CDC73: variants seen among roughly 807,000 people sequenced by gnomAD.
The protein encoded by CDC73 is cell division cycle 73.
CDC73 carries 21 observed loss-of-function variants against 83.7 expected under a neutral mutation model. That is an observed-to-expected ratio of 0.25 (90% CI 0.18 to 0.36). The LOEUF is 0.36. CDC73 is among the 10% of genes least tolerant of loss of function. The probability of loss-of-function intolerance (pLI) is 1.00; values close to 1 mark genes in which losing one functional copy is unlikely to be tolerated. For synonymous variants in CDC73, 224 were observed against 212.9 expected (o/e 1.05, Z -0.45); for missense variants, 342 against 653.3 (o/e 0.52, Z 5.19).
intron 10 of CDC73, among the ~76,000 whole-genome samples, chr1:193,160,715 C>T (rs1180082320): frequency 2.0e-5 from 3 of 151,708 alleles, no homozygotes. Flanking sequence ...CTTTTATTTT[C>T]TGTATTTCTC....
rs2102073220 is a variant in CDC73, at chr1:193,249,722, C to G, written c.1418-8C>G. 2 of 1,603,956 alleles carry G rather than the reference C, an allele frequency of 1.2e-6. No homozygotes were observed. Among genetic ancestry groups the G allele is most frequent in the South Asian group, 1.1e-5 (1 of 90,880 alleles). On this transcript the variant is annotated splice_polypyrimidine_tract_variant and splice_region_variant and intron_variant, in intron 15 of 16. Coordinates refer to ENST00000367435, the MANE Select transcript of CDC73 (RefSeq NM_024529.5). ...AAAAATGATAACTTCTCTCCACCCT[C>G]TCTATAGTTAAAGCCTTCCATCTGA...
At chr1:193,237,412 G>C (rs1055447003) in intron 15 of CDC73, among the ~76,000 whole-genome samples, 1 of 152,148 alleles carries the variant, frequency 6.6e-6, no homozygotes, top group Non-Finnish European at 1.5e-5. Context: ...AACCTTCTTG[G>C]AAGGCTGGGA....
chr1:193,249,982 C>A (rs1440894943), intron 16 of CDC73, 111 bp downstream of exon 16: 1 of 971,040 alleles, frequency 1.0e-6, no homozygotes, highest in South Asian at 1.3e-5. Context: ...TCCCTTCTTT[C>A]AACATTAACT....
At chr1:193,180,491 G>A (rs1213591905) in intron 10 of CDC73, 2 of 1,613,832 alleles carry the variant, frequency 1.2e-6, no homozygotes, top group East Asian at 2.2e-5. Flanking sequence ...TCATTGGGAG[G>A]GGGTACAGGA....
intron 10 of CDC73, chr1:193,180,639 A>T (rs572355338): frequency 1.9e-6 from 3 of 1,614,140 alleles, no homozygotes; most frequent in East Asian, 2.2e-5. Flanking sequence ...AGAAGACAGG[A>T]TAACGCTCAC....
chr1:193,250,267 G>T (rs1252492288), intron 16 of CDC73, among the ~76,000 whole-genome samples: 1 of 151,666 alleles, frequency 6.6e-6, no homozygotes, highest in Non-Finnish European at 1.5e-5. Context: ...AAAAGGAAAT[G>T]GTTTTTTAAA....
intron 13 of CDC73, among the ~76,000 whole-genome samples, chr1:193,232,089 G>A (rs1382673161): frequency 1.3e-5 from 2 of 152,082 alleles, no homozygotes; most frequent in African/African-American, 4.8e-5. Flanking sequence ...TCTTGAGAAT[G>A]GATCCACATA....
At chr1:193,159,457 G>A (rs967615029) in intron 10 of CDC73, among the ~76,000 whole-genome samples, 4 of 152,128 alleles carry the variant, frequency 2.6e-5, no homozygotes, top group East Asian at 1.9e-4. Context: ...TGCAACATCC[G>A]TCTCCTGGGT....
At chr1:193,193,513 C>T (rs946215038) in intron 10 of CDC73, among the ~76,000 whole-genome samples, 1 of 151,922 alleles carries the variant, frequency 6.6e-6, no homozygotes, top group African/African-American at 2.4e-5. Flanking sequence ...CATGCATTTC[C>T]TGTATTTTCA....
intron 3 of CDC73, among the ~76,000 whole-genome samples, chr1:193,131,817 T>C (rs1405206951): frequency 6.6e-6 from 1 of 152,230 alleles, no homozygotes; most frequent in Non-Finnish European, 1.5e-5. Context: ...CAGAGAAGAC[T>C]TCTCTGACCA....
Position 193,252,870 on chromosome 1 carries a change from G to C in CDC73, c.*2158G>C, listed in dbSNP as rs1202051610. 1 of 231,680 alleles carries C rather than the reference G, an allele frequency of 4.3e-6. No individual in the cohort carries two copies. Among genetic ancestry groups the C allele is most frequent in the East Asian group, 6.1e-5 (1 of 16,380 alleles). 14.4% of individuals were successfully genotyped at this position (231,680 alleles called of 1,614,324 possible). A position where few individuals can be genotyped will look rare whatever the true frequency, so the allele number is the denominator to read the frequency against. ...TCAGTAAATACTTACATGCATGAATGAATAATGTATTTTCAGTGTAACAAA... is the reference window on the plus strand; with the variant it reads ...TCAGTAAATACTTACATGCATGAATCAATAATGTATTTTCAGTGTAACAAA... On this transcript the variant is annotated 3_prime_UTR_variant, in exon 17 of 17. Coordinates refer to ENST00000367435, the MANE Select transcript of CDC73 (RefSeq NM_024529.5).
intron 10 of CDC73, among the ~76,000 whole-genome samples, chr1:193,158,925 T>G (rs1240305245): frequency 2.7e-5 from 4 of 147,542 alleles, no homozygotes; most frequent in African/African-American, 9.9e-5. Flanking sequence ...ACGGAACATA[T>G]ATCCGTATTA....
Position 193,196,590 on chromosome 1 carries a change from A to G in CDC73, c.973-7205A>G, listed in dbSNP as rs970746458. ...AATATTTTTCTAGTCCCTGAATACA[A>G]ATGTCTTTCCATTTGTTTGTGTCTT... On this transcript the variant is annotated intron_variant, in intron 10 of 16. Transcript: ENST00000367435. Among the ~76,000 whole-genome samples, 3 of 152,264 alleles carry G rather than the reference A, an allele frequency of 2.0e-5. No homozygotes were observed. The South Asian group carries it at 6.2e-4, about 32-fold the overall frequency.
At chr1:193,239,715 C>A (rs1677824608) in intron 15 of CDC73, among the ~76,000 whole-genome samples, 1 of 151,938 alleles carries the variant, frequency 6.6e-6, no homozygotes, top group Non-Finnish European at 1.5e-5. Context: ...GTATGTATCA[C>A]CTTGAGTGTT....
At chr1:193,249,479 T>G (rs527350016) in intron 15 of CDC73, among the ~76,000 whole-genome samples, 1 of 152,004 alleles carries the variant, frequency 6.6e-6, no homozygotes, top group Non-Finnish European at 1.5e-5. Flanking sequence ...TGCACTCTTA[T>G]GTTTCTGTGA....
intron 10 of CDC73, among the ~76,000 whole-genome samples, chr1:193,198,811 T>C (rs1677043040): frequency 6.6e-6 from 1 of 152,224 alleles, no homozygotes; most frequent in Admixed American, 6.5e-5. Context: ...CTGTTCTGCT[T>C]ACTAGGCATG....
intron 11 of CDC73, among the ~76,000 whole-genome samples, chr1:193,207,098 C>T (rs951189193): frequency 2.0e-5 from 3 of 152,136 alleles, no homozygotes; most frequent in Non-Finnish European, 4.4e-5. Flanking sequence ...AGGAATTTTA[C>T]AGCTGGGCCT....
At chr1:193,234,261 A>G (rs1160724896) in intron 14 of CDC73, among the ~76,000 whole-genome samples, 1 of 103,346 alleles carries the variant, frequency 9.7e-6, no homozygotes, top group African/African-American at 3.6e-5. Context: ...TATATATATA[A>G]TTTAATTATA....
intron 14 of CDC73, among the ~76,000 whole-genome samples, chr1:193,233,751 AT>A (rs1677701189): frequency 6.6e-6 from 1 of 152,130 alleles, no homozygotes. Context: ...GGCATATTTT[AT>A]TGTAAGGGAA....
Sources: allele counts gnomAD v4.1 joint callset (sites outside exome capture counted in the v4.1 genomes callset), GRCh38; gene constraint gnomAD v4.1.1; transcripts MANE v1.5; gene names NCBI Gene and HGNC (gene_info 2026-07-23, HGNC 2026-07-21).